Variants in MARCHF3 observed in about 807,000 individuals in gnomAD.
MARCHF3 encodes the protein E3 ubiquitin-protein ligase MARCHF3.
Under a neutral mutation model 24.2 loss-of-function variants are expected in MARCHF3, and 13 were observed. The ratio of observed to expected loss-of-function variants is 0.54; its 90% CI spans 0.35 to 0.85. MARCHF3 has a LOEUF of 0.85. Among genes scored for constraint, MARCHF3 ranks in the 40% least tolerant of loss-of-function variants. The probability of loss-of-function intolerance (pLI) is 0.01; values close to 1 mark genes in which losing one functional copy is unlikely to be tolerated. For missense variants in MARCHF3, 276 were observed against 325.0 expected (o/e 0.85, Z 1.16); for synonymous variants, 144 against 137.3 (o/e 1.05, Z -0.34).
intron 1 of MARCHF3, among the ~76,000 whole-genome samples, chr5:126,986,232 C>T (rs1038805844): frequency 6.6e-6 from 1 of 152,150 alleles, no homozygotes; most frequent in African/African-American, 2.4e-5. Flanking sequence ...CCCAAGTGTG[C>T]TACCCAAGAA....
At position 126,870,639 on chromosome 5, in the gene MARCHF3, A is replaced by G. The variant is rs190628654; in HGVS notation, c.756T>C (p.Val252=). 13 of 1,614,060 alleles carry G rather than the reference A, an allele frequency of 8.1e-6. No homozygotes were observed. The East Asian group carries it at 2.0e-4, about 25-fold the overall frequency. The change falls in exon 5 of 5, where the codon GTT becomes GTC. Residue 252 remains valine (V), a synonymous_variant. Coordinates refer to ENST00000308660, the MANE Select transcript of MARCHF3 (RefSeq NM_178450.5). ...HSVKRNSKET[V]V The stretch of plus-strand genomic sequence containing the variant: ...CCAACCAACCATACAAACATCAAAC[A>G]ACTGTCTCCTTTGAGTTCCTCTTGA...
At chr5:126,894,746 G>T (rs537357695) in intron 3 of MARCHF3, among the ~76,000 whole-genome samples, 2 of 152,110 alleles carry the variant, frequency 1.3e-5, no homozygotes, top group South Asian at 2.1e-4. Flanking sequence ...CAACTTTGGT[G>T]AATCTGACAA....
At chr5:127,022,354 C>T (rs2126864538) in intron 1 of MARCHF3, among the ~76,000 whole-genome samples, 1 of 152,242 alleles carries the variant, frequency 6.6e-6, no homozygotes, top group Non-Finnish European at 1.5e-5. Context: ...AAGTGGAGTT[C>T]TTACCTGAAA....
At chr5:127,015,124 T>C (rs2126859799) in intron 1 of MARCHF3, among the ~76,000 whole-genome samples, 1 of 152,324 alleles carries the variant, frequency 6.6e-6, no homozygotes, top group South Asian at 2.1e-4. Context: ...TAAAAATAAA[T>C]AAATTTGAGA....
chr5:126,884,567 C>A (rs1017734532), intron 3 of MARCHF3, among the ~76,000 whole-genome samples: 1 of 152,212 alleles, frequency 6.6e-6, no homozygotes, highest in African/African-American at 2.4e-5. Flanking sequence ...TACCTCATAA[C>A]TCCTTTCCGC....
chr5:126,950,652 G>T (rs1272842411), intron 1 of MARCHF3, among the ~76,000 whole-genome samples: 1 of 152,006 alleles, frequency 6.6e-6, no homozygotes, highest in African/African-American at 2.4e-5. Flanking sequence ...ATTAACTCTG[G>T]TAACTCTGCC....
At chr5:127,026,557 A>G (rs1339708861) in intron 1 of MARCHF3, among the ~76,000 whole-genome samples, 1 of 152,250 alleles carries the variant, frequency 6.6e-6, no homozygotes, top group Non-Finnish European at 1.5e-5. Flanking sequence ...TCAATATAAG[A>G]AACAATTTGA....
At chr5:127,017,650 A>C (rs1561475341) in intron 1 of MARCHF3, among the ~76,000 whole-genome samples, 1 of 152,184 alleles carries the variant, frequency 6.6e-6, no homozygotes, top group African/African-American at 2.4e-5. Context: ...CTGAAAGTGA[A>C]AATCAGAATG....
intron 1 of MARCHF3, among the ~76,000 whole-genome samples, chr5:127,018,381 T>C (rs1561475643): frequency 6.6e-6 from 1 of 150,530 alleles, no homozygotes; most frequent in Non-Finnish European, 1.5e-5. Flanking sequence ...AAAAAATAAA[T>C]AAACAAATAA....
At chr5:126,946,782 GTGTGTGTGTGTGTGTC>G (rs1047419891) in intron 1 of MARCHF3, among the ~76,000 whole-genome samples, 1 of 151,124 alleles carries the variant, frequency 6.6e-6, no homozygotes, top group Admixed American at 6.6e-5. Flanking sequence ...GTGTGTGTGT[GTGTGTGTGTGTGTGTC>G]TGTGTGTGTG....
chr5:126,920,377 A>AAATT (rs1749067741), intron 1 of MARCHF3, among the ~76,000 whole-genome samples: 1 of 152,228 alleles, frequency 6.6e-6, no homozygotes. Flanking sequence ...ACATGATTTT[A>AAATT]AATTCTCATA....
chr5:126,896,084 C>T (rs567470005), intron 3 of MARCHF3, among the ~76,000 whole-genome samples: 1 of 152,230 alleles, frequency 6.6e-6, no homozygotes, highest in East Asian at 1.9e-4. Flanking sequence ...AGGTGCCGTC[C>T]GTCACCCCTT....
At position 126,939,976 on chromosome 5, in the gene MARCHF3, A is replaced by G. The variant is rs75083038; in HGVS notation, c.-56-21749T>C. 1.9e-4 allele frequency among the ~76,000 whole-genome samples: 29 copies of G among 152,320 alleles called. No individual in the cohort carries two copies. The East Asian group carries it at 5.4e-3, about 28-fold the overall frequency. ...TCACAAGTTTCTTGTGCTTAGGAACACTAGCCAGCACTTCAGCACTGCCCT... is the reference window on the plus strand; with the variant it reads ...TCACAAGTTTCTTGTGCTTAGGAACGCTAGCCAGCACTTCAGCACTGCCCT... On this transcript the variant is annotated intron_variant, in intron 1 of 4. Coordinates refer to ENST00000308660, the MANE Select transcript of MARCHF3 (RefSeq NM_178450.5).
intron 1 of MARCHF3, among the ~76,000 whole-genome samples, chr5:127,027,103 T>C (rs1219405323): frequency 2.6e-5 from 4 of 152,156 alleles, no homozygotes; most frequent in Non-Finnish European, 5.9e-5. Flanking sequence ...TATCAAATGA[T>C]AAATAAAAAA....
chr5:126,917,859 T>C (rs1187876129), intron 2 of MARCHF3, 125 bp downstream of exon 2: 2 of 968,324 alleles, frequency 2.1e-6, no homozygotes, highest in African/African-American at 3.3e-5. Flanking sequence ...TTTTTTTTTT[T>C]TCCAGCACCT....
chr5:126,930,848 TTGTTCTCTAA>T (rs1749460099), intron 1 of MARCHF3, among the ~76,000 whole-genome samples: 1 of 152,256 alleles, frequency 6.6e-6, no homozygotes, highest in African/African-American at 2.4e-5. Flanking sequence ...TCTTTCTTTT[TTGTTCTCTAA>T]GAGCAGGGGC....
At chr5:126,902,232 T>C (rs1359852563) in intron 3 of MARCHF3, among the ~76,000 whole-genome samples, 1 of 152,182 alleles carries the variant, frequency 6.6e-6, no homozygotes, top group Non-Finnish European at 1.5e-5. Context: ...GCTATTCCTT[T>C]GAAGGCGTTT....
intron 1 of MARCHF3, among the ~76,000 whole-genome samples, chr5:126,936,773 A>G (rs1470413284): frequency 6.6e-6 from 1 of 152,224 alleles, no homozygotes; most frequent in Non-Finnish European, 1.5e-5. Context: ...GCAAGCAACC[A>G]AAACTCAAAA....
rs115329720 is a variant in MARCHF3, at chr5:126,986,459, A to T, written c.-57+43891T>A. ...AGGTAATGTGAATAAACCCTTTAAA[A>T]ATCGTAGTTTATTATTTTAAAATTA... On this transcript the variant is annotated intron_variant, in intron 1 of 4. Coordinates refer to ENST00000308660, the MANE Select transcript of MARCHF3 (RefSeq NM_178450.5). Among the ~76,000 whole-genome samples, 677 of 152,378 alleles carry T rather than the reference A, an allele frequency of 4.4e-3. 5 individuals carry two copies. Among genetic ancestry groups the T allele is most frequent in the African/African-American group, 0.016 (648 of 41,592 alleles).
Sources: allele counts gnomAD v4.1 joint callset (sites outside exome capture counted in the v4.1 genomes callset), GRCh38; gene constraint gnomAD v4.1.1; transcripts MANE v1.5; gene names NCBI Gene and HGNC (gene_info 2026-07-23, HGNC 2026-07-21).